LARGE1: variants seen among roughly 807,000 people sequenced by gnomAD.
LARGE1 encodes the protein LARGE xylosyl- and glucuronyltransferase 1.
LARGE1 carries 43 observed loss-of-function variants against 87.6 expected under a neutral mutation model. That is an observed-to-expected ratio of 0.49 (90% confidence interval 0.38 to 0.63). LARGE1 has a LOEUF of 0.63. Among genes scored for constraint, LARGE1 ranks in the 30% least tolerant of loss-of-function variants. The pLI is 0.00. For synonymous variants in LARGE1, 434 were observed against 394.6 expected, an observed-to-expected ratio of 1.10 and a Z score of -1.18; for missense variants, 802 against 1,000.2, an observed-to-expected ratio of 0.80 and a Z score of 2.67.
chr22:33,334,699 T>C (rs747953452), intron 10 of LARGE1, among the ~76,000 whole-genome samples: 1 of 152,158 alleles, frequency 6.6e-6, no homozygotes, highest in Non-Finnish European at 1.5e-5. Context: ...ACAGCCATGG[T>C]GACTGCTTAG....
chr22:33,742,899 C>A (rs2083939876), intron 2 of LARGE1, among the ~76,000 whole-genome samples: 3 of 152,162 alleles, frequency 2.0e-5, no homozygotes, highest in Non-Finnish European at 4.4e-5. Flanking sequence ...ATCTTTGTCC[C>A]CTCCAAATCT....
intron 10 of LARGE1, among the ~76,000 whole-genome samples, chr22:33,317,686 C>A (rs1295788628): frequency 6.6e-6 from 1 of 152,200 alleles, no homozygotes; most frequent in Admixed American, 6.5e-5. Flanking sequence ...CCAACAGACA[C>A]GGTCTCATGT....
intron 4 of LARGE1, among the ~76,000 whole-genome samples, chr22:33,625,473 AT>A (rs1433218181): frequency 6.6e-6 from 1 of 152,234 alleles, no homozygotes; most frequent in Non-Finnish European, 1.5e-5. Context: ...AATGGAGATC[AT>A]CCGCAGGTTG....
chr22:33,327,353 G>A (rs1937330534), intron 10 of LARGE1, among the ~76,000 whole-genome samples: 1 of 152,158 alleles, frequency 6.6e-6, no homozygotes, highest in African/African-American at 2.4e-5. Context: ...AGGTGAGGCA[G>A]TGATCTCCCA....
chr22:33,522,809 C>A (rs540455340), intron 6 of LARGE1, among the ~76,000 whole-genome samples: 1 of 148,534 alleles, frequency 6.7e-6, no homozygotes, highest in South Asian at 2.2e-4. Context: ...CCAGCCTGGT[C>A]AACAGCAAGA....
At chr22:33,881,142 G>C (rs1283838003) in intron 1 of LARGE1, among the ~76,000 whole-genome samples, 1 of 152,090 alleles carries the variant, frequency 6.6e-6, no homozygotes, top group South Asian at 2.1e-4. Flanking sequence ...CCCATATGGA[G>C]AGTCTGACGT....
intron 1 of LARGE1, among the ~76,000 whole-genome samples, chr22:33,864,354 A>G (rs1378395125): frequency 6.6e-6 from 1 of 152,214 alleles, no homozygotes; most frequent in African/African-American, 2.4e-5. Context: ...TGATATAAAT[A>G]AATAGCCCAA....
At chr22:33,921,454 C>T (rs1322978070), upstream of LARGE1, among the ~76,000 whole-genome samples, 1 of 152,092 alleles carries the variant, frequency 6.6e-6, no homozygotes, top group South Asian at 2.1e-4. This position sits in a 1 kb window ranked among gnomAD's most constrained non-coding sequence, Gnocchi z 4.1. Context: ...GCCTGCTCCC[C>T]AAATTGCACA....
the LARGE1 span, among the ~76,000 whole-genome samples, chr22:33,123,294 A>C: frequency 2.0e-5 from 3 of 152,224 alleles, no homozygotes; most frequent in Non-Finnish European, 4.4e-5. Flanking sequence ...ATAGCATTAT[A>C]ACATAAAGAG....
At chr22:33,864,035 A>G (rs1336455272) in intron 1 of LARGE1, among the ~76,000 whole-genome samples, 1 of 152,044 alleles carries the variant, frequency 6.6e-6, no homozygotes, top group African/African-American at 2.4e-5. Flanking sequence ...AGAAGTTCCA[A>G]CTCCAGTGAG....
chr22:33,715,524 T>G (rs1438972068), intron 2 of LARGE1, among the ~76,000 whole-genome samples: 1 of 152,142 alleles, frequency 6.6e-6, no homozygotes, highest in Non-Finnish European at 1.5e-5. Flanking sequence ...AAACAAACAT[T>G]CTTCCATAGC....
At chr22:33,394,080 C>CAAAA (rs2065631132) in intron 7 of LARGE1, among the ~76,000 whole-genome samples, 1 of 93,328 alleles carries the variant, frequency 1.1e-5, no homozygotes, top group African/African-American at 8.7e-5. Flanking sequence ...AGTGCAACTG[C>CAAAA]CAAAAAAAAA....
At chr22:33,902,650 G>C (rs1017442506) in intron 1 of LARGE1, among the ~76,000 whole-genome samples, 1 of 152,142 alleles carries the variant, frequency 6.6e-6, no homozygotes, top group African/African-American at 2.4e-5. Context: ...CACTGCCTAG[G>C]TGAATCTGTT....
intron 6 of LARGE1, among the ~76,000 whole-genome samples, chr22:33,490,657 T>C (rs1476734463): frequency 6.6e-6 from 1 of 152,210 alleles, no homozygotes; most frequent in African/African-American, 2.4e-5. Context: ...GGGAATCCCA[T>C]ACAGCTTCCC....
chr22:33,501,942 C>T (rs2070459039), intron 6 of LARGE1, among the ~76,000 whole-genome samples: 1 of 152,138 alleles, frequency 6.6e-6, no homozygotes, highest in Non-Finnish European at 1.5e-5. Flanking sequence ...CTTGTAATCC[C>T]AGCACTTTGG....
chr22:33,518,696 T>C (rs2071423843), intron 6 of LARGE1, among the ~76,000 whole-genome samples: 3 of 152,122 alleles, frequency 2.0e-5, no homozygotes, highest in African/African-American at 7.2e-5. Flanking sequence ...TCCAATATTC[T>C]TGTTCTCCAA....
intron 11 of LARGE1, among the ~76,000 whole-genome samples, chr22:33,195,548 T>C (rs1274714318): frequency 6.6e-6 from 1 of 151,908 alleles, no homozygotes; most frequent in Admixed American, 6.6e-5. Flanking sequence ...CCACAAATAT[T>C]TGACATTAAA....
intron 7 of LARGE1, among the ~76,000 whole-genome samples, chr22:33,394,702 C>T (rs1313471237): frequency 7.0e-6 from 1 of 142,426 alleles, no homozygotes; most frequent in Admixed American, 7.0e-5. Context: ...CTCCTGGGAG[C>T]GTGTGTGTGT....
At chr22:33,681,111 T>TAA (rs2081756936) in intron 2 of LARGE1, among the ~76,000 whole-genome samples, 1 of 152,268 alleles carries the variant, frequency 6.6e-6, no homozygotes, top group Admixed American at 6.5e-5. Flanking sequence ...CACTTTATTA[T>TAA]TTATATTGCT....
Sources: gnomAD v4.1 joint callset for allele counts (sites outside exome capture counted in the v4.1 genomes callset) on GRCh38, gnomAD v4.1.1 for gene constraint, Gnocchi (gnomAD v3.1) non-coding constraint, MANE v1.5 for transcripts, NCBI Gene and HGNC (gene_info 2026-07-23, HGNC 2026-07-21) for gene names.